ADGRL2: variants seen among roughly 807,000 people sequenced by gnomAD.
The protein encoded by ADGRL2 is calcium-independent alpha-latrotoxin receptor 2.
Under a neutral mutation model 157.4 loss-of-function variants are expected in ADGRL2, and 44 were observed. The ratio of observed to expected loss-of-function variants is 0.28; its 90% CI spans 0.22 to 0.36. The LOEUF (loss-of-function observed/expected upper bound fraction) is 0.36, where lower values mean the gene tolerates loss of function less well. Among genes scored for constraint, ADGRL2 ranks in the 10% least tolerant of loss-of-function variants. The pLI is 1.00. For synonymous variants in ADGRL2, 585 were observed against 624.7 expected, an observed-to-expected ratio of 0.94 and a Z score of 0.95; for missense variants, 1,510 against 1,768.9, an observed-to-expected ratio of 0.85 and a Z score of 2.63.
chr1:81,721,976 C>A, intron 1 of ADGRL2: 2 of 572,412 alleles, frequency 3.5e-6, no homozygotes, highest in Admixed American at 4.4e-5. Context: ...ACACTGATGC[C>A]CTTTAAGAAA....
chr1:81,678,213 A>G (rs562612037), intron 3 of ADGRL2, among the ~76,000 whole-genome samples: 3 of 152,346 alleles, frequency 2.0e-5, no homozygotes, highest in East Asian at 3.9e-4. Context: ...GCTCCAGTGT[A>G]TAGCATAGAG....
At chr1:81,760,051 A>G (rs1429296904) in intron 1 of ADGRL2, among the ~76,000 whole-genome samples, 1 of 152,114 alleles carries the variant, frequency 6.6e-6, no homozygotes, top group Non-Finnish European at 1.5e-5. Flanking sequence ...AAGAGCAAAA[A>G]AAATTCTTTT....
At chr1:81,834,239 A>G (rs1216092368) in intron 1 of ADGRL2, among the ~76,000 whole-genome samples, 2 of 152,208 alleles carry the variant, frequency 1.3e-5, no homozygotes, top group Non-Finnish European at 2.9e-5. Context: ...TCTAAAAATC[A>G]AAAGAAAGTT....
At chr1:81,771,312 CA>C (rs2086357630) in intron 2 of ADGRL2, among the ~76,000 whole-genome samples, 2 of 144,182 alleles carry the variant, frequency 1.4e-5, no homozygotes, top group African/African-American at 5.3e-5. Context: ...TAATTTTTCT[CA>C]CAAAGAATTG....
intron 2 of ADGRL2, among the ~76,000 whole-genome samples, chr1:81,856,369 G>C (rs1334550288): frequency 6.6e-6 from 1 of 152,098 alleles, no homozygotes; most frequent in Non-Finnish European, 1.5e-5. Context: ...AAATTCTTGA[G>C]AACAAGAGAA....
At chr1:81,403,239 GTT>G (rs1557662611) in intron 1 of ADGRL2, among the ~76,000 whole-genome samples, 7 of 29,002 alleles carry the variant, frequency 2.4e-4, no homozygotes, top group Non-Finnish European at 1.4e-3. Context: ...TTTTTTTTTT[GTT>G]GTTGTTTGTT....
chr1:81,451,113 C>T (rs1394890453), intron 2 of ADGRL2, among the ~76,000 whole-genome samples: 1 of 152,072 alleles, frequency 6.6e-6, no homozygotes, highest in African/African-American at 2.4e-5. Context: ...AACAGATAGC[C>T]CTCACTGTCT....
chr1:81,464,933 GAAA>G (rs199573052), intron 2 of ADGRL2, among the ~76,000 whole-genome samples: 5 of 138,792 alleles, frequency 3.6e-5, no homozygotes, highest in African/African-American at 1.3e-4. Context: ...CCACCAGGGA[GAAA>G]AAAAAAAAAA....
chr1:81,945,917 C>G (rs775946180), intron 6 of ADGRL2, among the ~76,000 whole-genome samples: 3 of 151,998 alleles, frequency 2.0e-5, no homozygotes, highest in Non-Finnish European at 4.4e-5. Flanking sequence ...CATTTAGAGA[C>G]TCCCTTCTCT....
chr1:81,740,190 C>T (rs1039370917), intron 1 of ADGRL2, among the ~76,000 whole-genome samples: 4 of 152,156 alleles, frequency 2.6e-5, no homozygotes, highest in East Asian at 1.9e-4. Context: ...ATTGTGCATG[C>T]GTTTTCATTC....
chr1:81,407,424 G>A (rs981200149), intron 1 of ADGRL2, among the ~76,000 whole-genome samples: 1 of 152,206 alleles, frequency 6.6e-6, no homozygotes, highest in Non-Finnish European at 1.5e-5. Context: ...CCTGAAAGAG[G>A]CTCTGATGTA....
At chr1:81,451,974 G>A (rs1396311708) in intron 2 of ADGRL2, among the ~76,000 whole-genome samples, 1 of 152,116 alleles carries the variant, frequency 6.6e-6, no homozygotes, top group Admixed American at 6.5e-5. Flanking sequence ...TACAACTTCT[G>A]TGCGTTCTCT....
rs767173720 is a variant in ADGRL2 at position 81,968,052 on chromosome 1, C to T, written c.2376C>T (p.Cys792=). The T allele has an allele frequency of 4.3e-6, 7 of 1,614,014 alleles. No individual in the cohort carries two copies. In the South Asian group the frequency reaches 7.7e-5, roughly 18 times the overall value. ...IDPDNYFNAN[C]SFWNYSERTM... is the part of the protein sequence containing the mutation. Reference sequence around the variant, plus strand: ...CTGACAATTATTTCAATGCAAACTGCTCCTTCTGGAACTACTCAGAGAGAA... The same window carrying T: ...CTGACAATTATTTCAATGCAAACTGTTCCTTCTGGAACTACTCAGAGAGAA... Residue 792 remains cysteine, a synonymous_variant, in exon 14 of 24, where the codon TGC becomes TGT. Coordinates refer to ENST00000686636, the MANE Select transcript of ADGRL2 (RefSeq NM_001366006.2).
At position 81,880,113 on chromosome 1, in the gene ADGRL2, T is replaced by C. The variant is rs186744433; in HGVS notation, c.74-26904T>C. Among the ~76,000 whole-genome samples the C allele has an allele frequency of 1.9e-3, 289 of 152,332 alleles. 5 individuals are homozygous for C. The highest frequency in any genetic ancestry group is 6.7e-3 in the African/African-American group (277 of 41,562). ...CTCATCCGAACAATGGAAATTATAA[T>C]TTTTCTGGTTATCTCACTGTGTCTA... On this transcript the variant is annotated intron_variant, in intron 2 of 23. Coordinates refer to ENST00000686636, the MANE Select transcript of ADGRL2 (RefSeq NM_001366006.2).
At chr1:81,771,364 G>T (rs2086360059) in intron 2 of ADGRL2, among the ~76,000 whole-genome samples, 2 of 152,104 alleles carry the variant, frequency 1.3e-5, no homozygotes, top group African/African-American at 4.8e-5. Context: ...TACTGAATGG[G>T]GTGAATCTGA....
intron 1 of ADGRL2, among the ~76,000 whole-genome samples, chr1:81,381,229 T>C (rs2076338802): frequency 6.6e-6 from 1 of 152,168 alleles, no homozygotes; most frequent in African/African-American, 2.4e-5. Flanking sequence ...TTTACAAAAC[T>C]CTTCAGGGAT....
chr1:81,569,249 A>G (rs753673395), intron 2 of ADGRL2, among the ~76,000 whole-genome samples: 1 of 152,192 alleles, frequency 6.6e-6, no homozygotes, highest in Non-Finnish European at 1.5e-5. Flanking sequence ...TGAGACAGAG[A>G]GAATTTTTTC....
In ADGRL2 at chr1:81,707,698, G is replaced by A. The variant is rs544774857; in HGVS notation, c.-143+7890G>A. On this transcript the variant is annotated intron_variant, in intron 1 of 20. Transcript: ENST00000359929. Reference sequence around the variant, plus strand: ...TCCACATGTTGGATGCTCAGTGCTCGGTTCTACCCAAACCAATCTGATAAC... The same window carrying A: ...TCCACATGTTGGATGCTCAGTGCTCAGTTCTACCCAAACCAATCTGATAAC... Among the ~76,000 whole-genome samples the A allele has an allele frequency of 2.0e-4, 31 of 152,094 alleles. 1 individual carries two copies. The South Asian group carries it at 6.2e-3, about 31-fold the overall frequency.
chr1:81,458,705 T>C (rs2077858480), intron 2 of ADGRL2, among the ~76,000 whole-genome samples: 1 of 152,132 alleles, frequency 6.6e-6, no homozygotes, highest in Admixed American at 6.5e-5. Flanking sequence ...GAGGTGGATG[T>C]GGTGGCGCCT....
Sources: gnomAD v4.1 joint callset for allele counts (sites outside exome capture counted in the v4.1 genomes callset) on GRCh38, gnomAD v4.1.1 for gene constraint, MANE v1.5 for transcripts, NCBI Gene and HGNC (gene_info 2026-07-23, HGNC 2026-07-21) for gene names.